The following RALYL variants were observed in gnomAD, a reference collection of about 807,000 sequenced individuals.
The protein encoded by RALYL is RALY RNA binding protein like, also known as RNA-binding Raly-like protein.
Under a neutral mutation model 35.1 loss-of-function variants are expected in RALYL, and 29 were observed. The ratio of observed to expected loss-of-function variants is 0.83; its 90% CI spans 0.61 to 1.13. RALYL has a LOEUF of 1.13. RALYL is among the 50% of genes most tolerant of loss of function. The pLI is 0.00. For synonymous variants in RALYL, 120 were observed against 127.6 expected (o/e 0.94, Z 0.40); for missense variants, 359 against 360.4 (o/e 1.00, Z 0.03).
At chr8:84,272,998 A>G (rs1834630754) in intron 1 of RALYL, among the ~76,000 whole-genome samples, 1 of 152,192 alleles carries the variant, frequency 6.6e-6, no homozygotes, top group South Asian at 2.1e-4. Flanking sequence ...GATTCCTTTT[A>G]TTCTAGCAAT....
rs1212425685 is a variant in RALYL at position 84,539,898 on chromosome 8, G to A, written c.256+10321G>A. Among the ~76,000 whole-genome samples, 90 of 138,738 alleles carry A rather than the reference G, an allele frequency of 6.5e-4. 1 individual carries two copies. Among genetic ancestry groups the A allele is most frequent in the African/African-American group, 2.1e-3 (79 of 37,958 alleles). 91.0% of individuals were successfully genotyped at this position (138,738 alleles called of 152,430 possible). ...TATATGTATATATATGTGTGTGTGT[G>A]TGTGTGTGTGTACATGCACAGACAT... On this transcript the variant is annotated intron_variant, in intron 2 of 8. Coordinates refer to ENST00000521268, the MANE Select transcript of RALYL (RefSeq NM_173848.7).
At chr8:84,386,087 T>A (rs747340470) in intron 1 of RALYL, among the ~76,000 whole-genome samples, 1 of 151,814 alleles carries the variant, frequency 6.6e-6, no homozygotes, top group Non-Finnish European at 1.5e-5. Context: ...TCTTTTCTGA[T>A]ACTTGAATTA....
intron 1 of RALYL, among the ~76,000 whole-genome samples, chr8:84,426,392 T>C (rs959697852): frequency 6.6e-6 from 1 of 151,486 alleles, no homozygotes; most frequent in Non-Finnish European, 1.5e-5. Context: ...CCATTCCTCC[T>C]GCCTCCTGCC....
At chr8:84,372,898 T>G (rs918958548) in intron 1 of RALYL, among the ~76,000 whole-genome samples, 1 of 137,440 alleles carries the variant, frequency 7.3e-6, no homozygotes. Flanking sequence ...TTTTTTTTTT[T>G]TTTTTTTTTT....
intron 1 of RALYL, among the ~76,000 whole-genome samples, chr8:84,391,707 A>G (rs1478698874): frequency 6.6e-6 from 1 of 152,038 alleles, no homozygotes; most frequent in African/African-American, 2.4e-5. Flanking sequence ...TGTGCTAACA[A>G]CTATTAGTCT....
intron 1 of RALYL, among the ~76,000 whole-genome samples, chr8:84,340,293 G>T (rs985339315): frequency 1.3e-5 from 2 of 152,010 alleles, no homozygotes; most frequent in Non-Finnish European, 2.9e-5. Context: ...AAAGTAGTAA[G>T]AACACAGTGT....
chr8:84,677,318 A>G (rs991375262), intron 2 of RALYL, among the ~76,000 whole-genome samples: 4 of 152,242 alleles, frequency 2.6e-5, no homozygotes, highest in African/African-American at 9.6e-5. Context: ...ATGTATTTTG[A>G]ATAACATGGT....
intron 2 of RALYL, among the ~76,000 whole-genome samples, chr8:84,604,664 C>T (rs1333164402): frequency 1.3e-5 from 2 of 152,124 alleles, no homozygotes; most frequent in Non-Finnish European, 2.9e-5. Context: ...TACTGTAGTA[C>T]ATTTTAATAG....
chr8:84,648,614 G>T lies in RALYL; in HGVS notation c.256+119037G>T, dbSNP rs527677771. 4.6e-5 allele frequency among the ~76,000 whole-genome samples: 7 copies of T among 151,402 alleles called. No individual in the cohort carries two copies. The South Asian group carries it at 1.3e-3, about 27-fold the overall frequency. On this transcript the variant is annotated intron_variant, in intron 2 of 8. Coordinates refer to ENST00000521268, the MANE Select transcript of RALYL (RefSeq NM_173848.7). ...AGAGTATATCCACATTACTATGCAT[G>T]GAATAAATCATTATACATCTTATTA... is the stretch of plus-strand genomic sequence containing the variant.
chr8:84,802,307 G>T (rs1166907728), intron 3 of RALYL, among the ~76,000 whole-genome samples: 1 of 152,154 alleles, frequency 6.6e-6, no homozygotes, highest in African/African-American at 2.4e-5. Flanking sequence ...TTAGCTTGGG[G>T]CTATACACAA....
chr8:84,837,218 A>C (rs549264898), intron 4 of RALYL, among the ~76,000 whole-genome samples: 1 of 152,212 alleles, frequency 6.6e-6, no homozygotes, highest in Non-Finnish European at 1.5e-5. Flanking sequence ...ACTTAGATTG[A>C]AATTCCTTGA....
intron 3 of RALYL, among the ~76,000 whole-genome samples, chr8:84,801,243 C>T (rs1006976): frequency 0.68 from 103,645 of 151,898 alleles, 36,640 homozygotes; most frequent in East Asian, 0.87. Flanking sequence ...CCACAGAAGA[C>T]ACTTGGGAGT....
At chr8:84,883,432 T>C (rs1478980688) in intron 7 of RALYL, among the ~76,000 whole-genome samples, 1 of 152,082 alleles carries the variant, frequency 6.6e-6, no homozygotes, top group Non-Finnish European at 1.5e-5. Flanking sequence ...CAGTTCCATG[T>C]GGCTGGGGAG....
At chr8:84,306,056 C>T (rs771877922) in intron 1 of RALYL, among the ~76,000 whole-genome samples, 13 of 151,406 alleles carry the variant, frequency 8.6e-5, no homozygotes, top group South Asian at 4.2e-4. Flanking sequence ...CCTAGCTATT[C>T]GGGAGGCTGA....
intron 1 of RALYL, among the ~76,000 whole-genome samples, chr8:84,402,372 G>T (rs1352124977): frequency 1.3e-5 from 2 of 151,962 alleles, no homozygotes; most frequent in African/African-American, 4.8e-5. Flanking sequence ...ATCCTTTCTT[G>T]CTGATTGTGT....
intron 4 of RALYL, among the ~76,000 whole-genome samples, chr8:84,826,154 G>C (rs888760652): frequency 6.6e-6 from 1 of 151,968 alleles, no homozygotes; most frequent in Non-Finnish European, 1.5e-5. Flanking sequence ...ACTACTAGAG[G>C]GGGAAAGGGA....
intron 3 of RALYL, among the ~76,000 whole-genome samples, chr8:84,783,498 G>T (rs1365403433): frequency 6.6e-6 from 1 of 152,150 alleles, no homozygotes; most frequent in Non-Finnish European, 1.5e-5. Flanking sequence ...ATTTGTCATA[G>T]ATCCTTCATT....
chr8:84,608,306 T>C (rs1167812394), intron 2 of RALYL, among the ~76,000 whole-genome samples: 2 of 152,072 alleles, frequency 1.3e-5, no homozygotes, highest in African/African-American at 4.8e-5. Context: ...TATGGGCCAA[T>C]CTGTCCCTGC....
intron 5 of RALYL, among the ~76,000 whole-genome samples, chr8:84,858,296 T>C (rs1344560936): frequency 2.6e-5 from 4 of 152,192 alleles, no homozygotes; most frequent in Admixed American, 6.5e-5. Flanking sequence ...AATTTATTAC[T>C]TGACAGCAGG....
Sources: gnomAD v4.1 joint callset for allele counts (sites outside exome capture counted in the v4.1 genomes callset) on GRCh38, gnomAD v4.1.1 for gene constraint, MANE v1.5 for transcripts, NCBI Gene and HGNC (gene_info 2026-07-23, HGNC 2026-07-21) for gene names.